Variants in SH3GL3 observed in about 807,000 individuals in gnomAD.
SH3GL3 encodes the protein endophilin-A3.
SH3GL3 carries 33 observed loss-of-function variants against 47.7 expected under a neutral mutation model. That is an observed-to-expected ratio of 0.69 (90% CI 0.52 to 0.92). The LOEUF (loss-of-function observed/expected upper bound fraction) is 0.92, where lower values mean the gene tolerates loss of function less well. SH3GL3 is among the 40% of genes least tolerant of loss of function. The probability of loss-of-function intolerance (pLI) is 0.00; values close to 1 mark genes in which losing one functional copy is unlikely to be tolerated. For synonymous variants in SH3GL3, 155 were observed against 148.8 expected (o/e 1.04, Z -0.30); for missense variants, 363 against 417.8 (o/e 0.87, Z 1.14).
chr15:83,545,148 A>T (rs186819252), intron 1 of SH3GL3, among the ~76,000 whole-genome samples: 24 of 152,262 alleles, frequency 1.6e-4, no homozygotes, highest in Admixed American at 1.5e-3. Flanking sequence ...CTTTAAGGTC[A>T]ATAACTCTTA....
At chr15:83,575,796 G>A (rs1325912233) in intron 5 of SH3GL3, among the ~76,000 whole-genome samples, 9 of 152,074 alleles carry the variant, frequency 5.9e-5, no homozygotes, top group Non-Finnish European at 2.9e-5. Context: ...ATACACTTTC[G>A]ATGCCTGGTA....
At chr15:83,562,094 T>C (rs1490951648) in intron 2 of SH3GL3, among the ~76,000 whole-genome samples, 1 of 146,526 alleles carries the variant, frequency 6.8e-6, no homozygotes. Context: ...ATAGTGTCCC[T>C]AGTTATTCTA....
chr15:83,575,112 T>C (rs546155972), intron 5 of SH3GL3, among the ~76,000 whole-genome samples: 64 of 152,312 alleles, frequency 4.2e-4, no homozygotes, highest in Non-Finnish European at 7.2e-4. Flanking sequence ...GTACAGGAGA[T>C]GTTTTTGCAA....
At chr15:83,572,192 G>T (rs1268409514) in intron 4 of SH3GL3, among the ~76,000 whole-genome samples, 3 of 152,188 alleles carry the variant, frequency 2.0e-5, no homozygotes, top group Non-Finnish European at 4.4e-5. Flanking sequence ...CCCCATGAGT[G>T]AATCCTTTCA....
At chr15:83,463,022 G>A (rs920505043) in intron 1 of SH3GL3, among the ~76,000 whole-genome samples, 2 of 152,138 alleles carry the variant, frequency 1.3e-5, no homozygotes, top group African/African-American at 4.8e-5. Flanking sequence ...CGTGAAAGTT[G>A]CAGATATGAG....
At chr15:83,449,124 T>C (rs988101474) in intron 1 of SH3GL3, among the ~76,000 whole-genome samples, 2 of 152,188 alleles carry the variant, frequency 1.3e-5, no homozygotes, top group African/African-American at 4.8e-5. Flanking sequence ...AGGCAGACTC[T>C]AGACAGCACC....
chr15:83,498,785 A>G (rs551870223), intron 1 of SH3GL3, among the ~76,000 whole-genome samples: 4 of 152,280 alleles, frequency 2.6e-5, no homozygotes, highest in Non-Finnish European at 5.9e-5. Context: ...GTCACCCCCT[A>G]CTGAAAATCC....
intron 1 of SH3GL3, among the ~76,000 whole-genome samples, chr15:83,450,328 A>T (rs2039677103): frequency 6.6e-6 from 1 of 152,216 alleles, no homozygotes. Context: ...GTGTGTATGT[A>T]TACATCTCAG....
Position 83,447,512 on chromosome 15 carries a change from G to C in SH3GL3, c.-22G>C. 6.7e-7 allele frequency: 1 copy of C among 1,496,788 alleles called. No individual in the cohort carries two copies. Among genetic ancestry groups the C allele is most frequent in the Non-Finnish European group, 8.9e-7 (1 of 1,121,080 alleles). 92.7% of individuals were successfully genotyped at this position (1,496,788 alleles called of 1,614,324 possible). ...CCCAGCCGAGCCTTGAGACCACCCC[G>C]CCCCTGCCGGTCGCAGTCGCGATGT... On this transcript the variant is annotated 5_prime_UTR_variant, in exon 1 of 9. Transcript: ENST00000427482. The surrounding 1 kb of genome is among the most constrained non-coding windows in gnomAD (Gnocchi z 5.1).
chr15:83,572,649 T>TTATTGATCCACTTCAGTTACTAC lies in SH3GL3; in HGVS notation c.417_439dup (p.Gln147LeufsTer13). On this transcript the variant is annotated frameshift_variant, in exon 5 of 9. Coordinates refer to ENST00000427482, the MANE Select transcript of SH3GL3 (RefSeq NM_003027.5). LOFTEE classifies it high-confidence loss of function. ...CTTGATATTAATGTAAAGCAAACTT[T>TTATTGATCCACTTCAGTTACTAC]TATTGATCCACTTCAGTTACTACAA... 6.2e-7 allele frequency: 1 copy of TTATTGATCCACTTCAGTTACTAC among 1,611,806 alleles called. No homozygotes were observed. The highest frequency in any genetic ancestry group is 8.5e-7 in the Non-Finnish European group (1 of 1,177,862).
chr15:83,580,353 C>T (rs1046558193), intron 6 of SH3GL3, among the ~76,000 whole-genome samples: 9 of 152,162 alleles, frequency 5.9e-5, no homozygotes, highest in African/African-American at 1.2e-4. Context: ...ATGGATTGGA[C>T]GGTGTTTCTA....
chr15:83,566,095 C>A (rs993922052), intron 3 of SH3GL3, among the ~76,000 whole-genome samples: 2 of 152,118 alleles, frequency 1.3e-5, no homozygotes, highest in East Asian at 1.9e-4. Context: ...TTAATATGTG[C>A]TTTCTCTGCA....
At chr15:83,579,607 CAGT>C (rs1003271066) in intron 6 of SH3GL3, among the ~76,000 whole-genome samples, 1 of 152,110 alleles carries the variant, frequency 6.6e-6, no homozygotes, top group African/African-American at 2.4e-5. Flanking sequence ...ATGATAAAGA[CAGT>C]GGTGATAATG....
chr15:83,550,870 C>T (rs1188471266), intron 1 of SH3GL3, among the ~76,000 whole-genome samples: 1 of 152,156 alleles, frequency 6.6e-6, no homozygotes, highest in Non-Finnish European at 1.5e-5. Context: ...GGCACACATA[C>T]TGGAAAATAC....
At chr15:83,517,329 C>T (rs185542363) in intron 1 of SH3GL3, among the ~76,000 whole-genome samples, 3 of 151,820 alleles carry the variant, frequency 2.0e-5, no homozygotes, top group East Asian at 1.9e-4. Context: ...CTCAGCCACC[C>T]GAGTAGCTGG....
At chr15:83,512,430 C>G (rs2042798784) in intron 1 of SH3GL3, among the ~76,000 whole-genome samples, 1 of 152,146 alleles carries the variant, frequency 6.6e-6, no homozygotes, top group Non-Finnish European at 1.5e-5. Context: ...TGAGAAGTCT[C>G]TTAAGTGCCT....
intron 1 of SH3GL3, among the ~76,000 whole-genome samples, chr15:83,543,705 G>A (rs1430921648): frequency 6.6e-6 from 1 of 151,972 alleles, no homozygotes; most frequent in Non-Finnish European, 1.5e-5. Context: ...CTTGTCATTA[G>A]CCTATTCAGA....
chr15:83,511,456 T>C (rs111343691), intron 1 of SH3GL3, among the ~76,000 whole-genome samples: 4 of 152,178 alleles, frequency 2.6e-5, no homozygotes, highest in African/African-American at 9.7e-5. Flanking sequence ...TTACGTGACG[T>C]CAGATATTAT....
At chr15:83,577,286 G>A (rs977048451) in intron 6 of SH3GL3, among the ~76,000 whole-genome samples, 16 of 152,148 alleles carry the variant, frequency 1.1e-4, no homozygotes, top group Admixed American at 3.3e-4. Flanking sequence ...CATGTGGCTT[G>A]TGGGCCACAG....
Sources: gnomAD v4.1 joint callset for allele counts (sites outside exome capture counted in the v4.1 genomes callset) on GRCh38, gnomAD v4.1.1 for gene constraint, Gnocchi (gnomAD v3.1) non-coding constraint, MANE v1.5 for transcripts, NCBI Gene and HGNC (gene_info 2026-07-23, HGNC 2026-07-21) for gene names.